MYLK4: variants seen among roughly 807,000 people sequenced by gnomAD.
MYLK4 encodes the protein caMLCK like.
A neutral mutation model predicts 48.1 loss-of-function variants in MYLK4; 46 were observed. The ratio of observed to expected loss-of-function variants is 0.96; its 90% confidence interval spans 0.75 to 1.22. The LOEUF is 1.22. MYLK4 is among the 50% of genes most tolerant of loss of function. The pLI, the probability that MYLK4 is intolerant of heterozygous loss-of-function variation, is 0.00. For missense variants in MYLK4, 451 were observed against 486.1 expected (o/e 0.93, Z 0.68); for synonymous variants, 170 against 180.8 (o/e 0.94, Z 0.48).
chr6:2,711,035 G>A (rs1180121125), intron 2 of MYLK4, among the ~76,000 whole-genome samples: 1 of 152,206 alleles, frequency 6.6e-6, no homozygotes, highest in African/African-American at 2.4e-5. Context: ...ACACAGGGGA[G>A]GAACTGTGGC....
At chr6:2,755,269 G>A (rs1764399610), upstream of MYLK4, among the ~76,000 whole-genome samples, 2 of 152,110 alleles carry the variant, frequency 1.3e-5, no homozygotes, top group South Asian at 2.1e-4. Context: ...CTTTCTAAGG[G>A]ATATTTGCAA....
intron 3 of MYLK4, among the ~76,000 whole-genome samples, chr6:2,691,348 T>G (rs945426105): frequency 6.6e-6 from 1 of 152,236 alleles, no homozygotes; most frequent in South Asian, 2.1e-4. Context: ...CTAAGAATTA[T>G]GTTTTAAATC....
chr6:2,690,687 T>A (rs926747784), intron 3 of MYLK4, among the ~76,000 whole-genome samples: 4 of 152,066 alleles, frequency 2.6e-5, no homozygotes, highest in Non-Finnish European at 5.9e-5. Context: ...TGACCCCAAG[T>A]TATTCCACTG....
At chr6:2,732,668 G>T (rs1226821270) in intron 2 of MYLK4, among the ~76,000 whole-genome samples, 2 of 152,010 alleles carry the variant, frequency 1.3e-5, no homozygotes, top group African/African-American at 4.8e-5. Flanking sequence ...AGACCCACTG[G>T]AGCTGAGAGA....
intron 2 of MYLK4, among the ~76,000 whole-genome samples, chr6:2,732,154 T>A (rs1763500337): frequency 6.6e-6 from 1 of 152,222 alleles, no homozygotes; most frequent in Non-Finnish European, 1.5e-5. Context: ...TAATCAGACA[T>A]GCCAGCTTCC....
At position 2,678,299 on chromosome 6, in the gene MYLK4, C is replaced by A; in HGVS notation, c.961G>T (p.Asp321Tyr). The A allele has an allele frequency of 6.2e-7, 1 of 1,614,008 alleles. No homozygotes were observed. Among genetic ancestry groups the A allele is most frequent in the Non-Finnish European group, 8.5e-7 (1 of 1,180,000 alleles). ...TCCTGAAATTCTTCATCCTCTAAGT[C>A]CCACCTGCAGGCCAGGATGTTGTTC... ...TLNNILACRW[D>Y]LEDEEFQDIS... The change falls in exon 10 of 13, where the codon GAC becomes TAC. Residue 321 changes from aspartate (D) to tyrosine (Y), a missense_variant. Coordinates refer to ENST00000274643, the MANE Select transcript of MYLK4 (RefSeq NM_001012418.5).
At chr6:2,716,727 T>C (rs1260984800) in intron 2 of MYLK4, among the ~76,000 whole-genome samples, 1 of 152,256 alleles carries the variant, frequency 6.6e-6, no homozygotes, top group Non-Finnish European at 1.5e-5. Context: ...TGGCCATTTC[T>C]TAGCCATGTG....
At chr6:2,716,351 T>C (rs1195389248) in intron 2 of MYLK4, among the ~76,000 whole-genome samples, 1 of 152,214 alleles carries the variant, frequency 6.6e-6, no homozygotes, top group Non-Finnish European at 1.5e-5. Flanking sequence ...AGGAGCAGAA[T>C]GTGTTTAAGT....
intron 6 of MYLK4, 64 bp from the exon 7 acceptor site, chr6:2,683,226 T>C (rs1402819475): frequency 2.5e-6 from 4 of 1,586,258 alleles, no homozygotes. Flanking sequence ...GCTTTTCTCG[T>C]AGTGACTTGT....
chr6:2,748,928 G>A (rs991254928), intron 2 of MYLK4, among the ~76,000 whole-genome samples: 2 of 152,172 alleles, frequency 1.3e-5, no homozygotes, highest in Non-Finnish European at 1.5e-5. Context: ...AAGTGAAGTC[G>A]ACTGCTGGCA....
At chr6:2,684,622 T>C (rs939849957) in intron 6 of MYLK4, among the ~76,000 whole-genome samples, 10 of 152,024 alleles carry the variant, frequency 6.6e-5, no homozygotes, top group African/African-American at 2.2e-4. Flanking sequence ...AAATTGACAA[T>C]ACAACAACAA....
chr6:2,686,097 AG>A (rs1761535846), intron 4 of MYLK4, among the ~76,000 whole-genome samples: 1 of 120,024 alleles, frequency 8.3e-6, no homozygotes, highest in African/African-American at 2.7e-5. Flanking sequence ...AAAGAAAGAA[AG>A]AAAAAAAAAA....
At chr6:2,770,123 A>T in the MYLK4 span, 1 of 1,614,174 alleles carries the variant, frequency 6.2e-7, no homozygotes, top group Non-Finnish European at 8.5e-7. Context: ...TGATTAGGAC[A>T]CTTTCCTTCC....
chr6:2,683,650 C>T (rs1761415196), intron 6 of MYLK4, among the ~76,000 whole-genome samples: 2 of 152,104 alleles, frequency 1.3e-5, no homozygotes, highest in African/African-American at 4.8e-5. Flanking sequence ...AACTCCTGAC[C>T]CCAAGTGATC....
chr6:2,725,342 T>C (rs1763219453), intron 2 of MYLK4, among the ~76,000 whole-genome samples: 1 of 151,994 alleles, frequency 6.6e-6, no homozygotes, highest in South Asian at 2.1e-4. Context: ...GGTACACACC[T>C]ACAGTCTGAG....
intron 2 of MYLK4, among the ~76,000 whole-genome samples, chr6:2,696,257 T>C (rs186512532): frequency 7.2e-5 from 11 of 152,324 alleles, no homozygotes; most frequent in Admixed American, 4.6e-4. Flanking sequence ...GGAGTGTCCA[T>C]AGTAGTCCTT....
In MYLK4 at chr6:2,750,765, GC is replaced by G. The variant is rs1383450503; in HGVS notation, c.-143del. 6.6e-6 allele frequency: 1 copy of G among 152,294 alleles called. No homozygotes were observed. The highest frequency in any genetic ancestry group is 1.5e-5 in the Non-Finnish European group (1 of 68,038). The allele number at this position is 152,294 out of a possible 1,614,324, so 9.4% of individuals were successfully genotyped here. A position where few individuals can be genotyped will look rare whatever the true frequency, so the allele number is the denominator to read the frequency against. ...GATAGGATCACATCGAAGAGCTTGA[GC>G]CACTCCAAGTCTAGAGCATACATTC... On this transcript the variant is annotated 5_prime_UTR_variant, in exon 1 of 13. An upstream open reading frame in the 5' UTR gains an earlier in-frame stop. Transcript: ENST00000274643.
chr6:2,754,176 T>A (rs1436392802), upstream of MYLK4, among the ~76,000 whole-genome samples: 1 of 152,210 alleles, frequency 6.6e-6, no homozygotes, highest in East Asian at 1.9e-4. Context: ...CCTAGGTATC[T>A]ACCCAAGAGA....
chr6:2,670,397 G>A (rs1760839568), intron 12 of MYLK4, among the ~76,000 whole-genome samples: 1 of 118,518 alleles, frequency 8.4e-6, no homozygotes, highest in Non-Finnish European at 1.9e-5. Flanking sequence ...ACAAACAACA[G>A]TGAGCAGCAA....
Sources: gnomAD v4.1 joint callset for allele counts (sites outside exome capture counted in the v4.1 genomes callset) on GRCh38, gnomAD v4.1.1 for gene constraint, MANE v1.5 for transcripts, NCBI Gene and HGNC (gene_info 2026-07-23, HGNC 2026-07-21) for gene names.